KDM2B: variants seen among roughly 807,000 people sequenced by gnomAD.
The protein encoded by KDM2B is lysine-specific demethylase 2B.
In KDM2B, 26 loss-of-function variants were observed where a neutral mutation model predicts 150.0. The observed-to-expected ratio is 0.17, with a 90% CI of 0.13 to 0.24. The LOEUF is 0.24. Ranked by LOEUF, KDM2B falls within the 10% of genes least tolerant of loss-of-function variation. KDM2B has a pLI of 1.00. For missense variants in KDM2B, 1,265 were observed against 1,816.9 expected (o/e 0.70, Z 5.52); for synonymous variants, 734 against 729.5 (o/e 1.01, Z -0.10).
At chr12:121,435,399 A>C (rs1352161970) in intron 22 of KDM2B, among the ~76,000 whole-genome samples, 4 of 152,238 alleles carry the variant, frequency 2.6e-5, no homozygotes, top group Non-Finnish European at 5.9e-5. Context: ...AGGGGAAAGC[A>C]GAAAAGAATG....
At chr12:121,500,565 A>T (rs1884442000) in intron 11 of KDM2B, among the ~76,000 whole-genome samples, 1 of 152,254 alleles carries the variant, frequency 6.6e-6, no homozygotes, top group Non-Finnish European at 1.5e-5. Context: ...ATGACTAAAA[A>T]TATCCCACTG....
intron 11 of KDM2B, among the ~76,000 whole-genome samples, chr12:121,495,046 G>A (rs1213951799): frequency 4.0e-5 from 6 of 148,622 alleles, no homozygotes; most frequent in African/African-American, 5.0e-5. Flanking sequence ...CACCCAGGCC[G>A]GAGTGCAGTT....
intron 6 of KDM2B, among the ~76,000 whole-genome samples, chr12:121,547,540 G>C (rs1481436224): frequency 2.6e-5 from 4 of 152,124 alleles, no homozygotes; most frequent in African/African-American, 9.7e-5. Context: ...CTGGCAGCAG[G>C]GCTGAGCAGA....
the KDM2B span, chr12:121,416,378 G>T: frequency 6.2e-7 from 1 of 1,600,446 alleles, no homozygotes; most frequent in Non-Finnish European, 8.6e-7. Flanking sequence ...TAGAAAGAAG[G>T]TGAGTTGGAT....
intron 1 of KDM2B, chr12:121,580,211 G>A (rs1395614898): frequency 9.8e-6 from 14 of 1,428,180 alleles, no homozygotes; most frequent in African/African-American, 1.5e-5. Context: ...CACTTAGGCA[G>A]ATCCGTTTGC....
At chr12:121,494,507 CG>C (rs1883700824) in intron 12 of KDM2B, 71 bp downstream of exon 12, 1 of 1,194,252 alleles carries the variant, frequency 8.4e-7, no homozygotes, top group Non-Finnish European at 1.2e-6. Context: ...CAAAAAGTCG[CG>C]GCTGTTCACC....
intron 12 of KDM2B, among the ~76,000 whole-genome samples, chr12:121,483,584 T>C (rs1882395723): frequency 6.7e-6 from 1 of 148,584 alleles, no homozygotes; most frequent in African/African-American, 2.5e-5. Context: ...GGTTGACATG[T>C]GAGGATCCCT....
intron 12 of KDM2B, among the ~76,000 whole-genome samples, chr12:121,457,919 A>C (rs1286599596): frequency 6.6e-6 from 1 of 152,210 alleles, no homozygotes; most frequent in African/African-American, 2.4e-5. Flanking sequence ...CAGAAAATGC[A>C]TGGACAGAAC....
chr12:121,501,602 G>A (rs1326075961), intron 11 of KDM2B, among the ~76,000 whole-genome samples: 1 of 151,838 alleles, frequency 6.6e-6, no homozygotes, highest in African/African-American at 2.4e-5. Flanking sequence ...AACATACTTG[G>A]TATTTTTTGT....
chr12:121,416,369 A>G, the KDM2B span: 1 of 1,608,842 alleles, frequency 6.2e-7, no homozygotes, highest in Non-Finnish European at 8.5e-7. Context: ...TTCAGTCTTT[A>G]GAAAGAAGGT....
chr12:121,571,560 C>T (rs552111465), intron 4 of KDM2B, among the ~76,000 whole-genome samples: 1 of 152,118 alleles, frequency 6.6e-6, no homozygotes, highest in East Asian at 1.9e-4. Flanking sequence ...TCCCAAAGCG[C>T]TGGGATTACA....
intron 4 of KDM2B, among the ~76,000 whole-genome samples, chr12:121,560,672 G>A (rs1482623407): frequency 1.3e-5 from 2 of 152,134 alleles, no homozygotes; most frequent in East Asian, 1.9e-4. Flanking sequence ...GACGGGGGCC[G>A]CCAGTCCCTT....
intron 13 of KDM2B, among the ~76,000 whole-genome samples, chr12:121,445,950 A>G (rs1876092613): frequency 6.6e-6 from 1 of 152,254 alleles, no homozygotes; most frequent in Admixed American, 6.5e-5. Flanking sequence ...TTAGGAGGTC[A>G]GAACTGTCTT....
rs1437556978 is a variant in KDM2B at position 121,442,833 on chromosome 12, G to A, written c.2608C>T (p.Arg870Trp). ...CGGTCCTCGGCGTTCTTCCAGGACC[G>A]CCGCTGAGGGCGAGAGCGGAGACGC... ...KEDKLFRKKRRSWKNAEDRMA... is the reference protein window; with the variant it reads ...KEDKLFRKKRWSWKNAEDRMA... The change falls in exon 19 of 23, where the codon CGG (arginine) becomes TGG (tryptophan). Residue 870 changes from arginine (R) to tryptophan (W), a missense_variant. This residue lies in a region of KDM2B where 418 missense variants were observed against 402.4 expected (regional missense o/e 1.04). Coordinates refer to ENST00000377071, the MANE Select transcript of KDM2B (RefSeq NM_032590.5). This position sits in a 1 kb window ranked among gnomAD's most constrained non-coding sequence, Gnocchi z 7.7. 4.0e-6 allele frequency: 6 copies of A among 1,517,934 alleles called. No individual in the cohort carries two copies. The highest frequency in any genetic ancestry group is 4.4e-6 in the Non-Finnish European group (5 of 1,138,160). 94.0% of individuals were successfully genotyped at this position (1,517,934 alleles called of 1,614,324 possible). A position where few individuals can be genotyped will look rare whatever the true frequency, so the allele number is the denominator to read the frequency against.
At chr12:121,447,351 C>T (rs1047142250) in intron 13 of KDM2B, among the ~76,000 whole-genome samples, 3 of 151,958 alleles carry the variant, frequency 2.0e-5, no homozygotes, top group South Asian at 2.1e-4. Flanking sequence ...TGGGTTCAAG[C>T]GATTCTCCTG....
chr12:121,423,405 G>A, the KDM2B span: 1 of 1,608,978 alleles, frequency 6.2e-7, no homozygotes, highest in Non-Finnish European at 8.5e-7. The surrounding 1 kb of genome is among the most constrained non-coding windows in gnomAD (Gnocchi z 4.3). Context: ...GGCTGCAGCT[G>A]CAGGATGAGG....
chr12:121,541,309 T>C (rs1219127598), intron 6 of KDM2B, among the ~76,000 whole-genome samples: 2 of 146,830 alleles, frequency 1.4e-5, no homozygotes, highest in Non-Finnish European at 3.0e-5. Flanking sequence ...GGGAGGAGGA[T>C]GCCTTGGGCC....
At chr12:121,562,689 G>A (rs1890430080) in intron 4 of KDM2B, among the ~76,000 whole-genome samples, 1 of 149,916 alleles carries the variant, frequency 6.7e-6, no homozygotes, top group South Asian at 2.2e-4. Flanking sequence ...AGAAAGAGGA[G>A]GAGGAAGAGA....
intron 12 of KDM2B, among the ~76,000 whole-genome samples, chr12:121,483,921 G>C (rs952456372): frequency 6.6e-6 from 1 of 152,094 alleles, no homozygotes; most frequent in African/African-American, 2.4e-5. Context: ...GCCAGGCCTC[G>C]ATGCAGCCAA....
Sources: gnomAD v4.1 joint callset for allele counts (sites outside exome capture counted in the v4.1 genomes callset) on GRCh38, gnomAD v4.1.1 for gene constraint, gnomAD v4.1.1 regional missense constraint, Gnocchi (gnomAD v3.1) non-coding constraint, MANE v1.5 for transcripts, NCBI Gene and HGNC (gene_info 2026-07-23, HGNC 2026-07-21) for gene names.